Variants in IL18R1 observed in about 807,000 individuals in gnomAD.
IL18R1 encodes interleukin 18 receptor 1, also known as interleukin-18 receptor 1.
In IL18R1, 40 loss-of-function variants were observed where a neutral mutation model predicts 48.5. That is an observed-to-expected ratio of 0.82 (90% CI 0.64 to 1.07). The LOEUF (loss-of-function observed/expected upper bound fraction) is 1.07. IL18R1 is among the 50% of genes least tolerant of loss of function. IL18R1 has a pLI of 0.00. For missense variants in IL18R1, 596 were observed against 633.7 expected (o/e 0.94, Z 0.64); for synonymous variants, 232 against 225.9 (o/e 1.03, Z -0.24).
chr2:102,376,721 A>ACAC (rs1679609307), intron 5 of IL18R1, among the ~76,000 whole-genome samples: 1 of 152,172 alleles, frequency 6.6e-6, no homozygotes, highest in African/African-American at 2.4e-5. Context: ...GCTGTGTGTG[A>ACAC]TGGAGGAACA....
intron 6 of IL18R1, 79 bp from the exon 7 acceptor site, chr2:102,384,799 T>A: frequency 6.5e-7 from 1 of 1,536,382 alleles, no homozygotes; most frequent in Non-Finnish European, 8.9e-7. Flanking sequence ...TAGGTTAACA[T>A]ACATTGATTA....
At chr2:102,369,263 T>C (rs1679102117) in intron 3 of IL18R1, among the ~76,000 whole-genome samples, 1 of 152,150 alleles carries the variant, frequency 6.6e-6, no homozygotes, top group South Asian at 2.1e-4. Context: ...TGGACAGGCC[T>C]GAGAGAGCAC....
chr2:102,379,406 T>C (rs1292680412), intron 5 of IL18R1, among the ~76,000 whole-genome samples: 2 of 144,762 alleles, frequency 1.4e-5, no homozygotes, highest in African/African-American at 5.3e-5. Flanking sequence ...GGTTGTGCCA[T>C]TGCACTCCAG....
In IL18R1 at chr2:102,376,217, G is replaced by T. The variant is rs570198678; in HGVS notation, c.625+154G>T. Among the ~76,000 whole-genome samples, 4 of 152,202 alleles carry T rather than the reference G, an allele frequency of 2.6e-5. No homozygotes were observed. The East Asian group carries it at 5.8e-4, about 22-fold the overall frequency. On this transcript the variant is annotated intron_variant, in intron 5 of 10. Transcript: ENST00000233957. ...TATGATGGTCAAAATCTTCATTCTG[G>T]TGCTCCTCTACTTGGCTAAATAAAC...
At position 102,396,610 on chromosome 2, in the gene IL18R1, T is replaced by A. The variant is rs1395391428; in HGVS notation, c.1350T>A (p.Asn450Lys). The change falls in exon 11 of 11, where the codon AAT becomes AAA. Residue 450 changes from asparagine to lysine, a missense_variant. Transcript: ENST00000233957. The stretch of plus-strand genomic sequence containing the variant: ...TCCTAAGTAAAAGTTATATGTCTAA[T>A]GAGGTCAGGTATGAACTTGAAAGTG... ...IIVLSKSYMS[N>K]EVRYELESGL... 1.2e-6 allele frequency: 2 copies of A among 1,613,454 alleles called. No individual in the cohort carries two copies. Among genetic ancestry groups the A allele is most frequent in the African/African-American group, 2.7e-5 (2 of 74,902 alleles).
chr2:102,363,238 C>T (rs916695072), intron 2 of IL18R1, among the ~76,000 whole-genome samples: 2 of 150,738 alleles, frequency 1.3e-5, no homozygotes, highest in Admixed American at 1.3e-4. Flanking sequence ...AGACTTCATT[C>T]TTTAGCGTTC....
chr2:102,393,005 T>C (rs1470995493), intron 9 of IL18R1, among the ~76,000 whole-genome samples: 1 of 152,234 alleles, frequency 6.6e-6, no homozygotes, highest in Non-Finnish European at 1.5e-5. Context: ...CAATTAATAG[T>C]TGAAAAGCTA....
chr2:102,392,254 C>G (rs12712146), intron 9 of IL18R1, among the ~76,000 whole-genome samples: 1 of 151,796 alleles, frequency 6.6e-6, no homozygotes. Context: ...TGTGCATGTG[C>G]GAGTTTGCTA....
intron 4 of IL18R1, chr2:102,374,126 T>C (rs533619364): frequency 2.4e-3 from 536 of 219,688 alleles, no homozygotes; most frequent in Non-Finnish European, 4.1e-3. Flanking sequence ...CCCTGGTCCA[T>C]GGAAAAGTTG....
At position 102,396,702 on chromosome 2, in the gene IL18R1, A is replaced by G; in HGVS notation, c.1442A>G (p.Asp481Gly). The G allele has an allele frequency of 6.2e-7, 1 of 1,614,114 alleles. No homozygotes were observed. The change falls in exon 11 of 11, where the codon GAC (aspartate) becomes GGC (glycine). Residue 481 changes from aspartate to glycine, a missense_variant. By Grantham distance (94) the Asp-to-Gly change is moderately conservative (BLOSUM62 -1). Coordinates refer to ENST00000233957, the MANE Select transcript of IL18R1 (RefSeq NM_003855.5). The part of the protein sequence containing the change: ...IILIEFTPVT[D>G]FTFLPQSLKL... ...TTAATTGAATTTACACCTGTTACTG[A>G]CTTCACATTCTTGCCCCAATCACTA...
In IL18R1 at chr2:102,356,178, T is replaced by G; in HGVS notation, c.-251T>G. 1 of 221,278 alleles carries G rather than the reference T, an allele frequency of 4.5e-6. No homozygotes were observed. The highest frequency in any genetic ancestry group is 7.6e-6 in the Non-Finnish European group (1 of 131,590). 13.7% of individuals were successfully genotyped at this position (221,278 alleles called of 1,614,324 possible). ...GCTGCCAGACGCCTGACATTCTTCT[T>G]TCTGTTCCTACTTTTTTTCCTTCTT... On this transcript the variant is annotated 5_prime_UTR_variant, in exon 1 of 11. Transcript: ENST00000233957.
At chr2:102,393,759 A>G (rs1414786141) in intron 9 of IL18R1, among the ~76,000 whole-genome samples, 1 of 152,206 alleles carries the variant, frequency 6.6e-6, no homozygotes, top group Non-Finnish European at 1.5e-5. Flanking sequence ...CTTTCTCTAC[A>G]GATCCCAATT....
rs1680864617 is a variant in IL18R1 at position 102,397,037 on chromosome 2, G to A, written c.*151G>A. The A allele has an allele frequency of 5.0e-6, 3 of 600,204 alleles. No individual in the cohort carries two copies. Among genetic ancestry groups the A allele is most frequent in the South Asian group, 4.5e-5 (2 of 44,386 alleles). The allele number at this position is 600,204 out of a possible 1,614,324, so 37.2% of individuals were successfully genotyped here. On this transcript the variant is annotated 3_prime_UTR_variant, in exon 11 of 11. Coordinates refer to ENST00000233957, the MANE Select transcript of IL18R1 (RefSeq NM_003855.5). ...AGATGAAACTTGTCATTAGGTTGGCGGGAATGAGACTAAAGATTGCGCTGT... is the reference window on the plus strand; with the variant it reads ...AGATGAAACTTGTCATTAGGTTGGCAGGAATGAGACTAAAGATTGCGCTGT...
chr2:102,371,909 G>A (rs202088343), intron 3 of IL18R1, 44 bp from the exon 4 acceptor site: 204 of 1,181,310 alleles, frequency 1.7e-4, no homozygotes, highest in African/African-American at 1.4e-3. Context: ...TATTTGCAAA[G>A]TTTCTGTAGC....
At chr2:102,361,741 A>G (rs374188080) in intron 1 of IL18R1, among the ~76,000 whole-genome samples, 1 of 152,174 alleles carries the variant, frequency 6.6e-6, no homozygotes, top group South Asian at 2.1e-4. Flanking sequence ...TGCACTCAGG[A>G]TGGTAAACAA....
chr2:102,359,575 T>C (rs1233244702), intron 1 of IL18R1, among the ~76,000 whole-genome samples: 1 of 152,242 alleles, frequency 6.6e-6, no homozygotes, highest in African/African-American at 2.4e-5. Flanking sequence ...GCCTCATTTA[T>C]ACCCAAAGAA....
rs74944586 is a variant in IL18R1, at chr2:102,364,096, A to G, written c.58+1378A>G. ...GGGTGGTGTGGACTTTCAATTATCA[A>G]CCTCCCACCTCTGGAGAGTGTGTAA... On this transcript the variant is annotated intron_variant, in intron 2 of 10. Transcript: ENST00000233957. Among the ~76,000 whole-genome samples, 14 of 152,050 alleles carry G rather than the reference A, an allele frequency of 9.2e-5. No individual in the cohort carries two copies. The East Asian group carries it at 2.1e-3, about 23-fold the overall frequency.
chr2:102,398,307 C>T lies in IL18R1; in HGVS notation c.*1421C>T, dbSNP rs1270830442. 6.6e-6 allele frequency: 1 copy of T among 152,340 alleles called. No homozygotes were observed. The highest frequency in any genetic ancestry group is 1.9e-4 in the East Asian group (1 of 5,332). The allele number at this position is 152,340 out of a possible 1,614,324, so 9.4% of individuals were successfully genotyped here. On this transcript the variant is annotated 3_prime_UTR_variant, in exon 11 of 11. Coordinates refer to ENST00000233957, the MANE Select transcript of IL18R1 (RefSeq NM_003855.5). The stretch of plus-strand genomic sequence containing the variant: ...AATAATAGCTATTCAAGAAAATCAC[C>T]AAGTGACTGTGAAACCGTCAGTTCG...
rs184699175 is a variant in IL18R1 at position 102,397,683 on chromosome 2, A to G, written c.*797A>G. ...TATATCAAAATGTTTGCCAGGTTGT[A>G]TTAGCCATTGAATAGCAAAAAACTG... On this transcript the variant is annotated 3_prime_UTR_variant, in exon 11 of 11. Coordinates refer to ENST00000233957, the MANE Select transcript of IL18R1 (RefSeq NM_003855.5). 3 of 152,504 alleles carry G rather than the reference A, an allele frequency of 2.0e-5. No homozygotes were observed. The highest frequency in any genetic ancestry group is 1.3e-4 in the Admixed American group (2 of 15,312). 9.4% of individuals were successfully genotyped at this position (152,504 alleles called of 1,614,324 possible). A position where few individuals can be genotyped will look rare whatever the true frequency, so the allele number is the denominator to read the frequency against.
Sources: allele counts gnomAD v4.1 joint callset (sites outside exome capture counted in the v4.1 genomes callset), GRCh38; gene constraint gnomAD v4.1.1; transcripts MANE v1.5; gene names NCBI Gene and HGNC (gene_info 2026-07-23, HGNC 2026-07-21).